CDC5L: variants seen among roughly 807,000 people sequenced by gnomAD.
The protein encoded by CDC5L is cell division cycle 5-like protein.
In CDC5L, 18 loss-of-function variants were observed where a neutral mutation model predicts 104.1. The ratio of observed to expected loss-of-function variants is 0.17; its 90% CI spans 0.12 to 0.26. The LOEUF (loss-of-function observed/expected upper bound fraction) is 0.26, where lower values mean the gene tolerates loss of function less well. Among genes scored for constraint, CDC5L ranks in the 10% least tolerant of loss-of-function variants. The pLI, the probability that CDC5L is intolerant of heterozygous loss-of-function variation, is 1.00. For missense variants in CDC5L, 673 were observed against 956.9 expected, an observed-to-expected ratio of 0.70 and a Z score of 3.91; for synonymous variants, 331 against 322.7, an observed-to-expected ratio of 1.03 and a Z score of -0.28.
chr6:44,423,550 C>T (rs1225549504), intron 10 of CDC5L, among the ~76,000 whole-genome samples: 1 of 152,118 alleles, frequency 6.6e-6, no homozygotes, highest in African/African-American at 2.4e-5. Flanking sequence ...TGTTGGGTAA[C>T]AGGAAAGCCT....
intron 5 of CDC5L, 128 bp from the exon 6 acceptor site, chr6:44,403,681 G>C (rs1374789582): frequency 1.5e-6 from 1 of 657,544 alleles, no homozygotes; most frequent in Non-Finnish European, 2.5e-6. Flanking sequence ...TTGGTGAATG[G>C]TGTGAGGTAA....
rs116830094 is a variant in CDC5L, at chr6:44,404,828, G to C, written c.758+801G>C. On this transcript the variant is annotated intron_variant, in intron 6 of 15. Coordinates refer to ENST00000371477, the MANE Select transcript of CDC5L (RefSeq NM_001253.4). ...CCACCTCAACCTCTCAAGTAGCTGG[G>C]AGTACAGATGTGTGCCACCATGACT... Among the ~76,000 whole-genome samples, 1,210 of 152,182 alleles carry C rather than the reference G, an allele frequency of 8.0e-3. 21 individuals are homozygous for C. The highest frequency in any genetic ancestry group is 0.028 in the African/African-American group (1,157 of 41,518).
intron 9 of CDC5L, among the ~76,000 whole-genome samples, chr6:44,419,883 G>A (rs1345842906): frequency 6.6e-6 from 1 of 151,874 alleles, no homozygotes; most frequent in African/African-American, 2.4e-5. Flanking sequence ...AGCGATTCTC[G>A]TGCCTCAGCC....
In CDC5L at chr6:44,392,736, C is replaced by T; in HGVS notation, c.219C>T (p.His73=). The T allele has an allele frequency of 6.2e-7, 1 of 1,614,148 alleles. No individual in the cohort carries two copies. The highest frequency in any genetic ancestry group is 8.5e-7 in the Non-Finnish European group (1 of 1,180,000). ...GAGAAGAAGAGGAAAAACTCTTGCA[C>T]TTGGCCAAGTTGATGCCAACTCAGT... ...WSREEEEKLL[H]LAKLMPTQWR... Residue 73 remains histidine, a synonymous_variant, in exon 3 of 16, where the codon CAC becomes CAT. Coordinates refer to ENST00000371477, the MANE Select transcript of CDC5L (RefSeq NM_001253.4).
intron 7 of CDC5L, among the ~76,000 whole-genome samples, chr6:44,406,716 A>T (rs1791379322): frequency 6.6e-6 from 1 of 152,120 alleles, no homozygotes; most frequent in Non-Finnish European, 1.5e-5. Context: ...AGACAGAAGG[A>T]GTTCCTGCCC....
chr6:44,434,528 A>G (rs972741798), intron 14 of CDC5L, among the ~76,000 whole-genome samples: 2 of 152,110 alleles, frequency 1.3e-5, no homozygotes, highest in African/African-American at 4.8e-5. Context: ...ATTATATGGG[A>G]TCATATTGCT....
chr6:44,434,480 G>A (rs1322790796), intron 14 of CDC5L, among the ~76,000 whole-genome samples: 1 of 152,182 alleles, frequency 6.6e-6, no homozygotes, highest in Non-Finnish European at 1.5e-5. Context: ...GACTCCTGTT[G>A]TTTGCAAATG....
chr6:44,446,442 A>G (rs528187027), intron 15 of CDC5L, among the ~76,000 whole-genome samples, 165 bp from the exon 16 acceptor site: 1 of 152,324 alleles, frequency 6.6e-6, no homozygotes, highest in South Asian at 2.1e-4. Flanking sequence ...TGGCTGTGAT[A>G]CTGGTTTTAT....
chr6:44,424,566 G>A lies in CDC5L; in HGVS notation c.1552G>A (p.Val518Met), dbSNP rs1331801914. 1 of 1,613,794 alleles carries A rather than the reference G, an allele frequency of 6.2e-7. No homozygotes were observed. The highest frequency in any genetic ancestry group is 1.3e-5 in the African/African-American group (1 of 74,900). Residue 518 changes from valine to methionine, a missense_variant, in exon 11 of 16, where the codon GTG (valine) becomes ATG (methionine). Physicochemically the swap from Val to Met is conservative, Grantham distance 21. Coordinates refer to ENST00000371477, the MANE Select transcript of CDC5L (RefSeq NM_001253.4). ...TACTTACATTGAAGATGCTGCTGAT[G>A]TGGATGCTCGAAAGCAGGTGGGTAA... ...DDTYIEDAADVDARKQAIRDA... is the reference protein window; with the variant it reads ...DDTYIEDAADMDARKQAIRDA...
At chr6:44,402,872 T>C (rs774168854) in intron 5 of CDC5L, among the ~76,000 whole-genome samples, 2 of 152,202 alleles carry the variant, frequency 1.3e-5, no homozygotes, top group Non-Finnish European at 2.9e-5. Flanking sequence ...TAAATGTCTG[T>C]ATAATATCTT....
chr6:44,439,055 T>C (rs1793064279), intron 14 of CDC5L, among the ~76,000 whole-genome samples: 1 of 152,220 alleles, frequency 6.6e-6, no homozygotes, highest in Non-Finnish European at 1.5e-5. Context: ...AATCTACTTT[T>C]TGTATCAATA....
At chr6:44,387,942 G>GT in intron 1 of CDC5L, 74 bp downstream of exon 1, 1 of 1,448,846 alleles carries the variant, frequency 6.9e-7, no homozygotes, top group African/African-American at 1.4e-5. Flanking sequence ...GCGGAGGTCG[G>GT]GGGGGCGACG....
At chr6:44,399,278 G>C (rs1390990114) in intron 5 of CDC5L, among the ~76,000 whole-genome samples, 5 of 152,036 alleles carry the variant, frequency 3.3e-5, no homozygotes, top group Admixed American at 2.0e-4. Context: ...AAATCTTCTC[G>C]TCTTTGGCTT....
chr6:44,438,855 A>G (rs899731216), intron 14 of CDC5L, among the ~76,000 whole-genome samples: 14 of 152,004 alleles, frequency 9.2e-5, no homozygotes, highest in African/African-American at 3.4e-4. Flanking sequence ...TTATTTTTAT[A>G]ATATCCTTAC....
chr6:44,435,246 G>A (rs1222336249), intron 14 of CDC5L, among the ~76,000 whole-genome samples: 4 of 151,770 alleles, frequency 2.6e-5, no homozygotes, highest in Non-Finnish European at 4.4e-5. Flanking sequence ...AAGGTGGTAA[G>A]TGGAACCTTT....
intron 8 of CDC5L, among the ~76,000 whole-genome samples, chr6:44,416,533 A>C (rs903715642): frequency 1.5e-4 from 23 of 152,090 alleles, no homozygotes; most frequent in Admixed American, 1.2e-3. Flanking sequence ...TTGCTACTTC[A>C]CCTCTGTCAC....
intron 8 of CDC5L, among the ~76,000 whole-genome samples, chr6:44,415,334 G>A (rs1281885126): frequency 6.6e-6 from 1 of 152,208 alleles, no homozygotes; most frequent in Non-Finnish European, 1.5e-5. Flanking sequence ...TTTGGGGCTT[G>A]TAACTTTGGA....
At chr6:44,389,552 A>G (rs1790499895) in intron 1 of CDC5L, among the ~76,000 whole-genome samples, 1 of 152,052 alleles carries the variant, frequency 6.6e-6, no homozygotes, top group Admixed American at 6.6e-5. Context: ...TGCATTCCAC[A>G]TGGCAATGGG....
At position 44,429,743 on chromosome 6, in the gene CDC5L, G is replaced by T. The variant is rs770932664; in HGVS notation, c.1924G>T (p.Val642Leu). 1 of 1,614,040 alleles carries T rather than the reference G, an allele frequency of 6.2e-7. No homozygotes were observed. Among genetic ancestry groups the T allele is most frequent in the Non-Finnish European group, 8.5e-7 (1 of 1,179,922 alleles). Residue 642 changes from valine (V) to leucine (L), a missense_variant, in exon 14 of 16, where the codon GTG (valine) becomes TTG (leucine). Val to Leu is a conservative substitution (Grantham distance 32). Around this residue, in one of 4 missense-constraint regions of CDC5L, gnomAD observed 578 missense variants for 737.0 expected, o/e 0.78. Transcript: ENST00000371477. ...AQDVLVQEME[V>L]VKQGMSHGEL... is the part of the protein sequence containing the mutation. Reference sequence around the variant, plus strand: ...GGATGTTTTGGTGCAGGAGATGGAAGTGGTTAAACAAGGAATGAGCCATGG... The same window carrying T: ...GGATGTTTTGGTGCAGGAGATGGAATTGGTTAAACAAGGAATGAGCCATGG...
Sources: allele counts gnomAD v4.1 joint callset (sites outside exome capture counted in the v4.1 genomes callset), GRCh38; gene constraint gnomAD v4.1.1; regional missense constraint gnomAD v4.1.1; transcripts MANE v1.5; gene names NCBI Gene and HGNC (gene_info 2026-07-23, HGNC 2026-07-21).